NCOR2: variants seen among roughly 807,000 people sequenced by gnomAD.
The protein encoded by NCOR2 is CTG repeat protein 26.
A neutral mutation model predicts 262.9 loss-of-function variants in NCOR2; 81 were observed. That is an observed-to-expected ratio of 0.31 (90% CI 0.26 to 0.37). NCOR2 has a LOEUF of 0.37. NCOR2 is among the 10% of genes least tolerant of loss of function. NCOR2 has a pLI of 1.00. For missense variants in NCOR2, 3,385 were observed against 3,621.4 expected, an observed-to-expected ratio of 0.93 and a Z score of 1.68; for synonymous variants, 1,659 against 1,559.3, an observed-to-expected ratio of 1.06 and a Z score of -1.51.
intron 10 of NCOR2, 28 bp from the exon 13 acceptor site, chr12:124,426,828 A>AG (rs1344383775): frequency 6.5e-7 from 1 of 1,540,292 alleles, no homozygotes; most frequent in Non-Finnish European, 8.8e-7. Flanking sequence ...GCAGGGTCAG[A>AG]GGCCCAGGGA....
rs2049849420 is a variant in NCOR2 at position 124,517,097 on chromosome 12, C to T, written c.-118+18468G>A. ...AGCTCCTTCTCCCGTCAGTCCCATG[C>T]TTGTGTAGACCCCACTGTGCCCCAT... On this transcript the variant is annotated intron_variant, in intron 1 of 46. Coordinates refer to the NCOR2 transcript ENST00000404621. This position sits in a 1 kb window ranked among gnomAD's most constrained non-coding sequence, Gnocchi z 7.6. Among the ~76,000 whole-genome samples, 2 of 152,084 alleles carry T rather than the reference C, an allele frequency of 1.3e-5. No individual in the cohort carries two copies. The highest frequency in any genetic ancestry group is 6.5e-5 in the Admixed American group (1 of 15,278).
At chr12:124,554,590 G>A (rs2051823917) in intron 1 of NCOR2, among the ~76,000 whole-genome samples, 1 of 152,244 alleles carries the variant, frequency 6.6e-6, no homozygotes, top group Non-Finnish European at 1.5e-5. Flanking sequence ...CACAGAGGCG[G>A]CCTGGACCCA....
At chr12:124,337,414 G>A in intron 37 of NCOR2, 2 of 697,418 alleles carry the variant, frequency 2.9e-6, no homozygotes, top group East Asian at 2.7e-5. Context: ...CAGCTACTAG[G>A]TGCCAGGCAC....
intron 2 of NCOR2, 180 bp downstream of exon 4, chr12:124,486,261 C>T (rs1389088311): frequency 2.0e-5 from 19 of 940,934 alleles, no homozygotes; most frequent in Admixed American, 3.3e-5. Context: ...CGTGGCTCTT[C>T]CCTGCTCGTC....
At chr12:124,354,613 G>A (rs367888554) in intron 25 of NCOR2, 31 bp from the exon 28 acceptor site, 8 of 1,490,324 alleles carry the variant, frequency 5.4e-6, no homozygotes, top group African/African-American at 1.4e-5. Flanking sequence ...CGAGTCACGT[G>A]CTGCCGGAGC....
intron 5 of NCOR2, among the ~76,000 whole-genome samples, chr12:124,461,146 T>C (rs1003295004): frequency 2.6e-5 from 4 of 152,228 alleles, no homozygotes; most frequent in Non-Finnish European, 5.9e-5. Context: ...GAAACAGGCC[T>C]TTCTCAATCC....
At chr12:124,460,366 T>C (rs947880572) in intron 5 of NCOR2, among the ~76,000 whole-genome samples, 2 of 152,230 alleles carry the variant, frequency 1.3e-5, no homozygotes, top group African/African-American at 4.8e-5. Flanking sequence ...CCCAGAACCC[T>C]GTCCTCTCTC....
At chr12:124,453,132 C>T (rs540732217) in intron 6 of NCOR2, among the ~76,000 whole-genome samples, 1 of 152,226 alleles carries the variant, frequency 6.6e-6, no homozygotes, top group Admixed American at 6.5e-5. Flanking sequence ...ACGCAGGGCC[C>T]GAGGGGACTC....
intron 7 of NCOR2, among the ~76,000 whole-genome samples, chr12:124,447,203 C>T (rs1339070905): frequency 6.6e-6 from 1 of 152,246 alleles, no homozygotes; most frequent in Admixed American, 6.5e-5. Flanking sequence ...GCGTGAGCCA[C>T]CGCGCCCAGC....
intron 7 of NCOR2, 130 bp downstream of exon 9, chr12:124,449,685 A>C: frequency 2.2e-6 from 2 of 904,830 alleles, no homozygotes; most frequent in African/African-American, 1.8e-5. Context: ...CCCCTCCGGG[A>C]GCACCTGGCC....
intron 7 of NCOR2, among the ~76,000 whole-genome samples, chr12:124,442,670 GTGGTAC>G (rs1388419814): frequency 6.6e-6 from 1 of 152,172 alleles, no homozygotes; most frequent in African/African-American, 2.4e-5. Context: ...GGGTTTGCAG[GTGGTAC>G]ACTGCCTAGT....
At chr12:124,434,018 G>A (rs978522647) in intron 8 of NCOR2, among the ~76,000 whole-genome samples, 10 of 152,058 alleles carry the variant, frequency 6.6e-5, no homozygotes, top group African/African-American at 2.4e-4. Context: ...GGCCAGCCAT[G>A]CCTCTGGGAC....
At chr12:124,458,666 A>G (rs762483236) in intron 5 of NCOR2, among the ~76,000 whole-genome samples, 3 of 152,242 alleles carry the variant, frequency 2.0e-5, no homozygotes, top group Non-Finnish European at 4.4e-5. Context: ...GAGTAGCCCC[A>G]TCTCACAGAT....
intron 8 of NCOR2, among the ~76,000 whole-genome samples, chr12:124,431,425 C>T (rs1296609546): frequency 6.6e-6 from 1 of 150,496 alleles, no homozygotes; most frequent in Admixed American, 6.6e-5. Flanking sequence ...GACAGACAGA[C>T]ACACAGTCAC....
chr12:124,327,653 A>G lies in NCOR2; in HGVS notation c.6959-20T>C. 1 of 1,577,212 alleles carries G rather than the reference A, an allele frequency of 6.3e-7. No individual in the cohort carries two copies. Among genetic ancestry groups the G allele is most frequent in the East Asian group, 2.3e-5 (1 of 44,134 alleles). On this transcript the variant is annotated intron_variant, in intron 44 of 46. Coordinates refer to ENST00000405201, the Ensembl canonical transcript of NCOR2. ...TAAGGCCTGGGAGAGAGAGACAGAC[A>G]GACAGACAGACACATGGGGGCCGGG...
intron 9 of NCOR2, among the ~76,000 whole-genome samples, chr12:124,429,958 T>C (rs1014482810): frequency 6.6e-6 from 1 of 152,228 alleles, no homozygotes; most frequent in Non-Finnish European, 1.5e-5. Context: ...AAAGCCCAGC[T>C]ACAAAGATCT....
chr12:124,545,200 G>C (rs1237189167), intron 1 of NCOR2, among the ~76,000 whole-genome samples: 1 of 152,088 alleles, frequency 6.6e-6, no homozygotes, highest in African/African-American at 2.4e-5. Flanking sequence ...GCGGGGCCCA[G>C]GGGGAGGGAG....
intron 1 of NCOR2, among the ~76,000 whole-genome samples, chr12:124,493,407 G>A (rs1165697823): frequency 1.3e-5 from 2 of 152,236 alleles, no homozygotes; most frequent in Non-Finnish European, 2.9e-5. Flanking sequence ...GGCTGGCCCT[G>A]AGCCAGGCGC....
At position 124,327,340 on chromosome 12, in the gene NCOR2, C is replaced by T. The variant is rs922123516; in HGVS notation, c.7183+69G>A. ...CGAGGAGGGGGTTGTCAGAGGAGCG[C>T]GGAGGAGCGAGGATTAATCACACCG... is the stretch of plus-strand genomic sequence containing the variant. On this transcript the variant is annotated intron_variant, in intron 45 of 46. Coordinates refer to ENST00000405201, the Ensembl canonical transcript of NCOR2. 13 of 1,204,928 alleles carry T rather than the reference C, an allele frequency of 1.1e-5. No individual in the cohort carries two copies. In the African/African-American group the frequency reaches 1.5e-4, roughly 14 times the overall value. The allele number at this position is 1,204,928 out of a possible 1,614,324, so 74.6% of individuals were successfully genotyped here.
Sources: gnomAD v4.1 joint callset for allele counts (sites outside exome capture counted in the v4.1 genomes callset) on GRCh38, gnomAD v4.1.1 for gene constraint, Gnocchi (gnomAD v3.1) non-coding constraint, MANE v1.5 for transcripts, NCBI Gene and HGNC (gene_info 2026-07-23, HGNC 2026-07-21) for gene names.